The following LARGE1 variants were observed in gnomAD, a reference collection of about 807,000 sequenced individuals.
The protein encoded by LARGE1 is LARGE xylosyl- and glucuronyltransferase 1, also known as xylosyl- and glucuronyltransferase LARGE1.
LARGE1 carries 43 observed loss-of-function variants against 87.6 expected under a neutral mutation model. That is an observed-to-expected ratio of 0.49 (90% CI 0.38 to 0.63). The LOEUF (loss-of-function observed/expected upper bound fraction) is 0.63. Among genes scored for constraint, LARGE1 ranks in the 30% least tolerant of loss-of-function variants. The probability of loss-of-function intolerance (pLI) is 0.00; values close to 1 mark genes in which losing one functional copy is unlikely to be tolerated. For synonymous variants in LARGE1, 434 were observed against 394.6 expected (o/e 1.10, Z -1.18); for missense variants, 802 against 1,000.2 (o/e 0.80, Z 2.67).
At chr22:33,821,777 CA>C (rs2086829222) in intron 1 of LARGE1, among the ~76,000 whole-genome samples, 1 of 151,844 alleles carries the variant, frequency 6.6e-6, no homozygotes, top group African/African-American at 2.4e-5. Flanking sequence ...GTTCAATTTT[CA>C]ATACATTATT....
chr22:33,089,755 C>T, the LARGE1 span, among the ~76,000 whole-genome samples: 2 of 112,770 alleles, frequency 1.8e-5, no homozygotes, highest in Non-Finnish European at 1.7e-5. Context: ...CCTTGGTCTC[C>T]CAAATGCTGG....
At chr22:33,558,533 G>A (rs1022853318) in intron 6 of LARGE1, among the ~76,000 whole-genome samples, 2 of 152,114 alleles carry the variant, frequency 1.3e-5, no homozygotes, top group African/African-American at 2.4e-5. Context: ...GTGCAGAAGC[G>A]AGGTCAAGAG....
chr22:33,855,895 TG>T (rs1035396471), intron 1 of LARGE1, among the ~76,000 whole-genome samples: 1 of 152,184 alleles, frequency 6.6e-6, no homozygotes, highest in Admixed American at 6.5e-5. Context: ...TCTCTTCACA[TG>T]CCCCCTTTTT....
At chr22:33,209,596 A>G (rs951326144) in intron 11 of LARGE1, among the ~76,000 whole-genome samples, 2 of 152,198 alleles carry the variant, frequency 1.3e-5, no homozygotes, top group African/African-American at 2.4e-5. Flanking sequence ...TATTTGCTCT[A>G]TGTACAATAT....
At chr22:33,398,676 T>A (rs1175376189) in intron 7 of LARGE1, among the ~76,000 whole-genome samples, 2 of 152,234 alleles carry the variant, frequency 1.3e-5, no homozygotes, top group Non-Finnish European at 2.9e-5. Context: ...ACCCATTTTT[T>A]GGAAAATGTC....
At chr22:33,448,743 C>T (rs1034066134) in intron 6 of LARGE1, among the ~76,000 whole-genome samples, 1 of 152,208 alleles carries the variant, frequency 6.6e-6, no homozygotes, top group Admixed American at 6.5e-5. Context: ...GCCTCCCCAA[C>T]TTTATTGAAG....
intron 2 of LARGE1, among the ~76,000 whole-genome samples, chr22:33,697,456 G>C (rs1453568439): frequency 2.2e-5 from 3 of 138,342 alleles, no homozygotes; most frequent in Non-Finnish European, 4.5e-5. Context: ...CAGCACTTTG[G>C]GAGCCCAAGG....
intron 5 of LARGE1, among the ~76,000 whole-genome samples, chr22:33,590,018 A>T (rs1386373502): frequency 1.3e-5 from 2 of 152,178 alleles, no homozygotes; most frequent in Admixed American, 6.5e-5. Flanking sequence ...TATGATAGGC[A>T]GTTCAATAAC....
At chr22:33,303,766 C>A (rs1934475514) in intron 12 of LARGE1, among the ~76,000 whole-genome samples, 1 of 151,456 alleles carries the variant, frequency 6.6e-6, no homozygotes, top group Non-Finnish European at 1.5e-5. Context: ...GGATTACGGG[C>A]ACATGCCACC....
intron 2 of LARGE1, among the ~76,000 whole-genome samples, chr22:33,658,118 C>T (rs1380828796): frequency 6.6e-6 from 1 of 152,032 alleles, no homozygotes; most frequent in Non-Finnish European, 1.5e-5. Context: ...TTTGTGGTTG[C>T]GGTTGTTGTT....
At chr22:33,701,078 T>C (rs2082392739) in intron 2 of LARGE1, among the ~76,000 whole-genome samples, 1 of 152,154 alleles carries the variant, frequency 6.6e-6, no homozygotes, top group South Asian at 2.1e-4. Context: ...TTGTGTCTTC[T>C]TGAGCAGCTC....
At position 33,796,552 on chromosome 22, in the gene LARGE1, T is replaced by TA. The variant is rs544780441; in HGVS notation, c.-82-34995dup. Among the ~76,000 whole-genome samples, 334 of 152,168 alleles carry TA rather than the reference T, an allele frequency of 2.2e-3. 3 individuals carry two copies. The highest frequency in any genetic ancestry group is 7.5e-3 in the African/African-American group (311 of 41,522). On this transcript the variant is annotated intron_variant, in intron 1 of 14. Transcript: ENST00000397394. ...GTAAGAAAAGCAAAATATAAATCTTTAAAAAATCAATCAAAGAAGGACATG... is the reference window on the plus strand; with the variant it reads ...GTAAGAAAAGCAAAATATAAATCTTTAAAAAAATCAATCAAAGAAGGACATG...
At chr22:33,620,046 G>C (rs2079699022) in intron 4 of LARGE1, among the ~76,000 whole-genome samples, 1 of 152,130 alleles carries the variant, frequency 6.6e-6, no homozygotes, top group South Asian at 2.1e-4. Flanking sequence ...CAAATCCTAT[G>C]CACAACTCAG....
intron 5 of LARGE1, among the ~76,000 whole-genome samples, chr22:33,589,650 A>T (rs987590812): frequency 6.6e-6 from 1 of 152,186 alleles, no homozygotes; most frequent in African/African-American, 2.4e-5. Context: ...TACTGCATGA[A>T]ATGCAAGATT....
At chr22:33,565,649 G>A (rs73882264) in intron 5 of LARGE1, among the ~76,000 whole-genome samples, 10,467 of 140,942 alleles carry the variant, frequency 0.074, 1,006 homozygotes, top group African/African-American at 0.18. Context: ...TAGTCATCAC[G>A]TGACACTCTT....
intron 4 of LARGE1, among the ~76,000 whole-genome samples, chr22:33,616,525 C>CT (rs2079586340): frequency 6.6e-6 from 1 of 150,982 alleles, no homozygotes. Context: ...GAGCAAGACT[C>CT]TGTCTCAAAA....
intron 5 of LARGE1, among the ~76,000 whole-genome samples, chr22:33,603,430 AAAG>A (rs1471944056): frequency 6.6e-6 from 1 of 152,200 alleles, no homozygotes; most frequent in African/African-American, 2.4e-5. Context: ...GAAATATAGA[AAAG>A]AATAAGATGC....
At chr22:33,099,965 A>G in the LARGE1 span, among the ~76,000 whole-genome samples, 2 of 152,222 alleles carry the variant, frequency 1.3e-5, no homozygotes, top group Admixed American at 1.3e-4. Flanking sequence ...ATCACAGAGA[A>G]ATAAACACAG....
At chr22:33,756,212 A>C (rs887619012) in intron 2 of LARGE1, among the ~76,000 whole-genome samples, 3 of 152,152 alleles carry the variant, frequency 2.0e-5, no homozygotes, top group African/African-American at 7.2e-5. Flanking sequence ...GTCAGTACTC[A>C]AAGTCGGAGG....
Sources: gnomAD v4.1 joint callset for allele counts (sites outside exome capture counted in the v4.1 genomes callset) on GRCh38, gnomAD v4.1.1 for gene constraint, MANE v1.5 for transcripts, NCBI Gene and HGNC (gene_info 2026-07-23, HGNC 2026-07-21) for gene names.